Variants in RAP1GDS1 observed in about 807,000 individuals in gnomAD.
RAP1GDS1 encodes RAP1, GTP-GDP dissociation stimulator 1.
Under a neutral mutation model 71.1 loss-of-function variants are expected in RAP1GDS1, and 35 were observed. The ratio of observed to expected loss-of-function variants is 0.49; its 90% CI spans 0.38 to 0.65. The LOEUF (loss-of-function observed/expected upper bound fraction) is 0.65, where lower values mean the gene tolerates loss of function less well. RAP1GDS1 is among the 30% of genes least tolerant of loss of function. RAP1GDS1 has a pLI of 0.00. For synonymous variants in RAP1GDS1, 229 were observed against 243.1 expected (o/e 0.94, Z 0.54); for missense variants, 663 against 706.1 (o/e 0.94, Z 0.69).
chr4:98,407,716 T>C (rs1025530441), intron 7 of RAP1GDS1, among the ~76,000 whole-genome samples: 2 of 152,102 alleles, frequency 1.3e-5, no homozygotes, highest in East Asian at 1.9e-4. Flanking sequence ...AAACTACTTA[T>C]TAGGTACAGT....
At chr4:98,400,233 AAGTC>A (rs1281331684) in intron 6 of RAP1GDS1, among the ~76,000 whole-genome samples, 2 of 152,064 alleles carry the variant, frequency 1.3e-5, no homozygotes, top group African/African-American at 2.4e-5. Context: ...AAAGGAAAGG[AAGTC>A]AGTATTGAAG....
chr4:98,315,592 A>G (rs1730822486), intron 2 of RAP1GDS1, among the ~76,000 whole-genome samples: 1 of 152,200 alleles, frequency 6.6e-6, no homozygotes, highest in South Asian at 2.1e-4. Flanking sequence ...GTGAGTAAAG[A>G]ATCTAGTCCA....
intron 7 of RAP1GDS1, among the ~76,000 whole-genome samples, chr4:98,405,771 A>G (rs1262515886): frequency 1.3e-5 from 2 of 152,104 alleles, no homozygotes; most frequent in South Asian, 2.1e-4. Flanking sequence ...GCCAGATGTT[A>G]TAAATGTGGT....
chr4:98,316,969 G>A (rs1351099001), intron 2 of RAP1GDS1, among the ~76,000 whole-genome samples: 1 of 152,122 alleles, frequency 6.6e-6, no homozygotes, highest in Non-Finnish European at 1.5e-5. Flanking sequence ...ATTGGCTGTC[G>A]TGCAGTTAAT....
At chr4:98,366,164 G>A (rs1189840848) in intron 4 of RAP1GDS1, among the ~76,000 whole-genome samples, 1 of 152,098 alleles carries the variant, frequency 6.6e-6, no homozygotes, top group African/African-American at 2.4e-5. Flanking sequence ...TTGTGGGAGG[G>A]ACCCAGTGGG....
rs201413789 is a variant in RAP1GDS1, at chr4:98,343,124, A to C, written c.113-15A>C. 6.3e-7 allele frequency: 1 copy of C among 1,598,312 alleles called. No individual in the cohort carries two copies. Among genetic ancestry groups the C allele is most frequent in the Non-Finnish European group, 8.5e-7 (1 of 1,171,034 alleles). On this transcript the variant is annotated splice_polypyrimidine_tract_variant and intron_variant, in intron 2 of 14. Coordinates refer to ENST00000408927, the MANE Select transcript of RAP1GDS1 (RefSeq NM_001100427.2). ...AAAGATTTTCACTGAAGCTCTTTGT[A>C]TGTATCTCTTTTAGATACGGAAACA...
At chr4:98,345,440 G>A (rs545903061) in intron 3 of RAP1GDS1, among the ~76,000 whole-genome samples, 10 of 152,276 alleles carry the variant, frequency 6.6e-5, no homozygotes, top group East Asian at 1.9e-4. Context: ...AAGAAGTTCC[G>A]TGGGCGAGTT....
At chr4:98,299,697 C>T (rs568076794) in intron 2 of RAP1GDS1, among the ~76,000 whole-genome samples, 3 of 151,298 alleles carry the variant, frequency 2.0e-5, no homozygotes, top group East Asian at 3.9e-4. Context: ...TGCAGTGGCA[C>T]GATCTCAGCT....
intron 7 of RAP1GDS1, among the ~76,000 whole-genome samples, chr4:98,413,065 G>A (rs1048357423): frequency 1.2e-4 from 18 of 152,168 alleles, no homozygotes; most frequent in South Asian, 2.1e-4. Flanking sequence ...AAACTTACCA[G>A]GGCGGGATCT....
intron 7 of RAP1GDS1, among the ~76,000 whole-genome samples, chr4:98,405,247 A>G (rs193271359): frequency 1.1e-4 from 16 of 152,276 alleles, no homozygotes; most frequent in African/African-American, 2.6e-4. Context: ...ACTAAAAACT[A>G]TTTTTAAAAA....
At chr4:98,342,567 A>G (rs1305297655) in intron 2 of RAP1GDS1, among the ~76,000 whole-genome samples, 2 of 152,146 alleles carry the variant, frequency 1.3e-5, no homozygotes, top group Admixed American at 6.6e-5. Flanking sequence ...TCAGAATACT[A>G]TGGGTTTTTG....
At chr4:98,379,726 A>G (rs1286985355) in intron 5 of RAP1GDS1, among the ~76,000 whole-genome samples, 1 of 151,922 alleles carries the variant, frequency 6.6e-6, no homozygotes, top group Non-Finnish European at 1.5e-5. Flanking sequence ...TAATTTTCAG[A>G]TAGCCTATAT....
chr4:98,319,129 C>G (rs1472472737), intron 2 of RAP1GDS1, among the ~76,000 whole-genome samples: 3 of 152,164 alleles, frequency 2.0e-5, no homozygotes, highest in Admixed American at 2.0e-4. Context: ...CTATACATAT[C>G]TGTCTCCTTT....
rs78449897 is a variant in RAP1GDS1, at chr4:98,315,236, A to G, written c.112+21721A>G. 2.2e-4 allele frequency among the ~76,000 whole-genome samples: 34 copies of G among 152,260 alleles called. No individual in the cohort carries two copies. In the East Asian group the frequency reaches 6.0e-3, roughly 27 times the overall value. ...GGTATCAATCACATTGAATTGTGGT[A>G]ATTTATTAACCTCTCTCTGTCTCTT... On this transcript the variant is annotated intron_variant, in intron 2 of 14. Coordinates refer to ENST00000408927, the MANE Select transcript of RAP1GDS1 (RefSeq NM_001100427.2).
At chr4:98,395,829 A>G (rs1002735783) in intron 6 of RAP1GDS1, 2 of 152,284 alleles carry the variant, frequency 1.3e-5, no homozygotes, top group East Asian at 3.9e-4. Context: ...CTGTAATATC[A>G]ATGACATTTG....
intron 2 of RAP1GDS1, among the ~76,000 whole-genome samples, chr4:98,300,695 C>A (rs1728452962): frequency 6.6e-6 from 1 of 152,004 alleles, no homozygotes; most frequent in South Asian, 2.1e-4. Context: ...GCCACCGTGC[C>A]CAGCCTGTAG....
chr4:98,270,074 G>C (rs1231242751), intron 1 of RAP1GDS1, among the ~76,000 whole-genome samples: 2 of 152,124 alleles, frequency 1.3e-5, no homozygotes, highest in African/African-American at 4.8e-5. Flanking sequence ...ATGAGGCCTA[G>C]TTGCTGTGTC....
chr4:98,332,469 A>G (rs537938399), intron 2 of RAP1GDS1, among the ~76,000 whole-genome samples: 1 of 152,320 alleles, frequency 6.6e-6, no homozygotes, highest in Non-Finnish European at 1.5e-5. Context: ...AAAAAGTTAA[A>G]AAGAGAGAGT....
chr4:98,399,508 G>T (rs1391596292), intron 6 of RAP1GDS1, among the ~76,000 whole-genome samples: 2 of 152,042 alleles, frequency 1.3e-5, no homozygotes, highest in Non-Finnish European at 2.9e-5. Flanking sequence ...TTCCCAGGCT[G>T]GTCTTGAACT....
Sources: gnomAD v4.1 joint callset for allele counts (sites outside exome capture counted in the v4.1 genomes callset) on GRCh38, gnomAD v4.1.1 for gene constraint, MANE v1.5 for transcripts, NCBI Gene and HGNC (gene_info 2026-07-23, HGNC 2026-07-21) for gene names.